SPIDR: variants seen among roughly 807,000 people sequenced by gnomAD.
SPIDR encodes the protein DNA repair-scaffolding protein.
Under a neutral mutation model 104.6 loss-of-function variants are expected in SPIDR, and 93 were observed. That is an observed-to-expected ratio of 0.89 (90% CI 0.75 to 1.06). The LOEUF is 1.06. Ranked by LOEUF, SPIDR falls within the 50% of genes least tolerant of loss-of-function variation. The probability of loss-of-function intolerance (pLI) is 0.00; values close to 1 mark genes in which losing one functional copy is unlikely to be tolerated. For missense variants in SPIDR, 1,154 were observed against 1,111.2 expected, an observed-to-expected ratio of 1.04 and a Z score of -0.55; for synonymous variants, 431 against 416.9, an observed-to-expected ratio of 1.03 and a Z score of -0.41.
chr8:47,389,761 C>T (rs1386160715), intron 5 of SPIDR, among the ~76,000 whole-genome samples: 2 of 150,386 alleles, frequency 1.3e-5, no homozygotes, highest in Non-Finnish European at 2.9e-5. Flanking sequence ...CACCATGTGG[C>T]AGCAGTAGGC....
chr8:47,563,181 C>G (rs2057300983), intron 8 of SPIDR, among the ~76,000 whole-genome samples: 1 of 151,332 alleles, frequency 6.6e-6, no homozygotes, highest in Admixed American at 6.6e-5. Context: ...CTCTTTTTTT[C>G]TTTTTTGAAA....
intron 7 of SPIDR, chr8:47,419,059 G>C (rs1459512846): frequency 6.6e-6 from 1 of 152,162 alleles, no homozygotes; most frequent in Non-Finnish European, 1.5e-5. Context: ...TGTTCCTCAG[G>C]GATATTGGTC....
At chr8:47,405,922 A>G (rs2062693971) in intron 6 of SPIDR, among the ~76,000 whole-genome samples, 2 of 152,166 alleles carry the variant, frequency 1.3e-5, no homozygotes, top group Non-Finnish European at 2.9e-5. Flanking sequence ...TAATGGCCAA[A>G]CTCAGGTGAG....
intron 5 of SPIDR, among the ~76,000 whole-genome samples, chr8:47,378,290 A>G (rs572782425): frequency 6.6e-5 from 10 of 152,312 alleles, no homozygotes; most frequent in East Asian, 1.9e-4. Context: ...ATTAAAGACT[A>G]TCTTTTCACT....
chr8:47,308,429 G>C (rs1307260461), intron 5 of SPIDR, among the ~76,000 whole-genome samples: 9 of 148,856 alleles, frequency 6.0e-5, no homozygotes, highest in African/African-American at 1.5e-4. Flanking sequence ...AGGCTTGTCT[G>C]TATGTGAAGG....
At chr8:47,504,427 C>T (rs1172200013) in intron 8 of SPIDR, among the ~76,000 whole-genome samples, 5 of 152,090 alleles carry the variant, frequency 3.3e-5, no homozygotes, top group South Asian at 2.1e-4. Flanking sequence ...TTGATCGAAT[C>T]GGCTACTGAG....
At chr8:47,445,375 G>A (rs2070368457) in intron 8 of SPIDR, among the ~76,000 whole-genome samples, 1 of 152,152 alleles carries the variant, frequency 6.6e-6, no homozygotes, top group South Asian at 2.1e-4. Flanking sequence ...TGGCCATATA[G>A]GATGGCAAAC....
chr8:47,341,967 C>A (rs2154275725), intron 5 of SPIDR, among the ~76,000 whole-genome samples: 1 of 152,316 alleles, frequency 6.6e-6, no homozygotes, highest in East Asian at 1.9e-4. Flanking sequence ...AATGTATTTG[C>A]TGCAGCTCTG....
chr8:47,429,412 GCTTT>G (rs1480592343), intron 7 of SPIDR, among the ~76,000 whole-genome samples: 1 of 152,148 alleles, frequency 6.6e-6, no homozygotes, highest in Non-Finnish European at 1.5e-5. Flanking sequence ...CAAAGCCGTG[GCTTT>G]CATGGGATAA....
chr8:47,309,238 G>T (rs2043678612), intron 5 of SPIDR, among the ~76,000 whole-genome samples: 1 of 152,176 alleles, frequency 6.6e-6, no homozygotes. Flanking sequence ...ATATTTTAAA[G>T]ATTTAATTAT....
intron 12 of SPIDR, among the ~76,000 whole-genome samples, chr8:47,701,068 G>GGGCTGTCTTCCTTAGGTTGT (rs2080108068): frequency 6.6e-6 from 1 of 152,130 alleles, no homozygotes; most frequent in Non-Finnish European, 1.5e-5. Flanking sequence ...AACAAAACTG[G>GGGCTGTCTTCCTTAGGTTGT]GGCTGTCTTC....
intron 8 of SPIDR, among the ~76,000 whole-genome samples, chr8:47,444,510 A>G (rs1383637556): frequency 6.6e-6 from 1 of 152,188 alleles, no homozygotes; most frequent in Admixed American, 6.5e-5. Context: ...GTCCATTCAT[A>G]TCGTCATCTT....
At chr8:47,310,215 T>G (rs1395700832) in intron 5 of SPIDR, among the ~76,000 whole-genome samples, 1 of 150,758 alleles carries the variant, frequency 6.6e-6, no homozygotes, top group Admixed American at 6.7e-5. Context: ...GCGCCTGTAG[T>G]CCCAGCTACT....
chr8:47,317,939 C>CTGTACGT, intron 5 of SPIDR, among the ~76,000 whole-genome samples: 1 of 152,296 alleles, frequency 6.6e-6, no homozygotes, highest in Middle Eastern at 3.4e-3. Context: ...AAAACCCCAT[C>CTGTACGT]TGTACGTCAC....
intron 8 of SPIDR, among the ~76,000 whole-genome samples, chr8:47,498,611 G>GTATCT (rs1212969567): frequency 8.6e-5 from 13 of 151,956 alleles, no homozygotes; most frequent in African/African-American, 2.4e-4. Context: ...TGTTACTGCT[G>GTATCT]GTATATCCTA....
intron 16 of SPIDR, among the ~76,000 whole-genome samples, chr8:47,719,738 C>T (rs889665211): frequency 7.2e-5 from 11 of 152,034 alleles, no homozygotes; most frequent in Non-Finnish European, 1.3e-4. Context: ...CCCAGGGAAG[C>T]CAGGGCCCCC....
chr8:47,506,891 A>G (rs2081568941), intron 8 of SPIDR, among the ~76,000 whole-genome samples: 1 of 152,156 alleles, frequency 6.6e-6, no homozygotes, highest in Non-Finnish European at 1.5e-5. Flanking sequence ...TAGCAAGTTG[A>G]CACTCCACTG....
At chr8:47,304,971 C>G (rs1361243697) in intron 5 of SPIDR, among the ~76,000 whole-genome samples, 10 of 152,344 alleles carry the variant, frequency 6.6e-5, no homozygotes, top group South Asian at 4.1e-4. Context: ...ACTTGTCGTT[C>G]TGCTTTCTGC....
At chr8:47,294,601 C>G (rs1409869708) in intron 5 of SPIDR, among the ~76,000 whole-genome samples, 1 of 152,064 alleles carries the variant, frequency 6.6e-6, no homozygotes, top group East Asian at 1.9e-4. Context: ...TCGTGGCCAT[C>G]GTTTATTACA....
Sources: allele counts gnomAD v4.1 joint callset (sites outside exome capture counted in the v4.1 genomes callset), GRCh38; gene constraint gnomAD v4.1.1; transcripts MANE v1.5; gene names NCBI Gene and HGNC (gene_info 2026-07-23, HGNC 2026-07-21).